The following METTL25 variants were observed in gnomAD, a reference collection of about 807,000 sequenced individuals.
METTL25 encodes probable methyltransferase-like protein 25.
A neutral mutation model predicts 71.6 loss-of-function variants in METTL25; 64 were observed. That is an observed-to-expected ratio of 0.89 (90% CI 0.73 to 1.10). The LOEUF is 1.10. Among genes scored for constraint, METTL25 ranks in the 50% least tolerant of loss-of-function variants. The probability of loss-of-function intolerance (pLI) is 0.00; values close to 1 mark genes in which losing one functional copy is unlikely to be tolerated. For synonymous variants in METTL25, 287 were observed against 250.3 expected (o/e 1.15, Z -1.38); for missense variants, 807 against 707.0 (o/e 1.14, Z -1.60).
rs564729047 is a variant in METTL25, at chr12:82,395,778, A to G, written c.532-3017A>G. On this transcript the variant is annotated intron_variant, in intron 3 of 11. Transcript: ENST00000248306. ...TGTCTTCAAACCTATAATGTATGGCATATGATCCAGCAGGGACGTCTATTG... is the reference window on the plus strand; with the variant it reads ...TGTCTTCAAACCTATAATGTATGGCGTATGATCCAGCAGGGACGTCTATTG... 3.9e-5 allele frequency among the ~76,000 whole-genome samples: 6 copies of G among 152,208 alleles called. No individual in the cohort carries two copies. In the East Asian group the frequency reaches 9.7e-4, roughly 25 times the overall value.
chr12:82,466,073 T>G (rs1282250720), intron 9 of METTL25, among the ~76,000 whole-genome samples: 1 of 151,682 alleles, frequency 6.6e-6, no homozygotes, highest in East Asian at 1.9e-4. Context: ...TGTTCTCTTT[T>G]TAATTCTCAG....
intron 9 of METTL25, among the ~76,000 whole-genome samples, chr12:82,474,816 A>G (rs965705919): frequency 7.4e-4 from 113 of 152,316 alleles, no homozygotes; most frequent in African/African-American, 2.6e-3. Context: ...AAAGCAACAA[A>G]CAGAATGAGA....
intron 1 of METTL25, among the ~76,000 whole-genome samples, chr12:82,385,875 A>T (rs1884939844): frequency 6.6e-6 from 1 of 152,190 alleles, no homozygotes. Flanking sequence ...AGCTGAGACA[A>T]AAAAGAGTAC....
chr12:82,408,602 G>GTGTGTT (rs1887292471), intron 5 of METTL25, among the ~76,000 whole-genome samples: 1 of 149,898 alleles, frequency 6.7e-6, no homozygotes, highest in Admixed American at 6.6e-5. Context: ...GACTCCGTGT[G>GTGTGTT]TGTGTGTGTG....
intron 1 of METTL25, among the ~76,000 whole-genome samples, chr12:82,382,882 A>T (rs1468448450): frequency 2.0e-5 from 3 of 151,974 alleles, no homozygotes; most frequent in South Asian, 2.1e-4. Flanking sequence ...CTAATTTTTT[A>T]AAATTTTAGT....
intron 9 of METTL25, among the ~76,000 whole-genome samples, chr12:82,466,998 A>G (rs1892276601): frequency 6.6e-6 from 1 of 152,108 alleles, no homozygotes; most frequent in South Asian, 2.1e-4. Flanking sequence ...TTGGCTCCCA[A>G]AGTGCTGAGA....
chr12:82,468,576 G>A (rs952742072), intron 9 of METTL25: 2 of 152,246 alleles, frequency 1.3e-5, no homozygotes, highest in Non-Finnish European at 2.9e-5. Context: ...CATCTATGAT[G>A]GAGAGGTGTC....
At chr12:82,476,082 A>G (rs772324570) in intron 9 of METTL25, among the ~76,000 whole-genome samples, 3 of 152,128 alleles carry the variant, frequency 2.0e-5, no homozygotes, top group Non-Finnish European at 2.9e-5. Context: ...CAGGAGCAAA[A>G]GCACAATTGA....
In METTL25 at chr12:82,398,629, A is replaced by G. The variant is rs185956616; in HGVS notation, c.532-166A>G. ...TATTAAACTAGCTAGAACCTCCAGT[A>G]AAATGTTGAATAAAAATGATGAGTG... On this transcript the variant is annotated intron_variant, in intron 3 of 11. Coordinates refer to ENST00000248306, the MANE Select transcript of METTL25 (RefSeq NM_032230.3). Among the ~76,000 whole-genome samples the G allele has an allele frequency of 3.5e-4, 54 of 152,258 alleles. 1 individual carries two copies. The highest frequency in any genetic ancestry group is 1.1e-3 in the Admixed American group (17 of 15,280).
chr12:82,421,719 C>A (rs1418408310), intron 5 of METTL25, among the ~76,000 whole-genome samples: 1 of 152,138 alleles, frequency 6.6e-6, no homozygotes, highest in Non-Finnish European at 1.5e-5. Context: ...GAGATTATCA[C>A]CACCGATCCC....
At chr12:82,477,255 C>T (rs756759215) in intron 10 of METTL25, 26 bp from the exon 11 acceptor site, 1 of 1,113,652 alleles carries the variant, frequency 9.0e-7, no homozygotes, top group Non-Finnish European at 1.3e-6. Context: ...TACCACCAAC[C>T]TACCTATCTA....
Position 82,389,533 on chromosome 12 carries a change from T to C in METTL25, c.425-283T>C, listed in dbSNP as rs551156126. Among the ~76,000 whole-genome samples, 4 of 152,254 alleles carry C rather than the reference T, an allele frequency of 2.6e-5. No homozygotes were observed. The East Asian group carries it at 7.7e-4, about 29-fold the overall frequency. ...TGGGGTTTGCCTTTTTACCTCATAA[T>C]GTTGTCTTTTGATGAAAAATTTCTT... On this transcript the variant is annotated intron_variant, in intron 2 of 11. Transcript: ENST00000248306.
chr12:82,443,462 C>CAAAAAAAAAAAAAAAAAAAAAAAAAAAAA (rs67737833), intron 8 of METTL25, among the ~76,000 whole-genome samples: 1 of 96,614 alleles, frequency 1.0e-5, no homozygotes, highest in Non-Finnish European at 2.2e-5. Context: ...CAGAGGAGAC[C>CAAAAAAAAAAAAAAAAAAAAAAAAAAAAA]AAAAAAAAAA....
chr12:82,361,102 G>T (rs1592567689), intron 1 of METTL25, among the ~76,000 whole-genome samples: 1 of 152,112 alleles, frequency 6.6e-6, no homozygotes, highest in East Asian at 1.9e-4. Context: ...CCCACATCCT[G>T]CCGATTGGTC....
At chr12:82,440,291 A>G (rs935429108) in intron 8 of METTL25, among the ~76,000 whole-genome samples, 7 of 151,902 alleles carry the variant, frequency 4.6e-5, no homozygotes, top group South Asian at 2.1e-4. Context: ...ACTAGCTCCC[A>G]TCTCTTTTTC....
chr12:82,401,926 T>C (rs1464601961), intron 4 of METTL25, among the ~76,000 whole-genome samples: 1 of 152,086 alleles, frequency 6.6e-6, no homozygotes, highest in East Asian at 1.9e-4. Context: ...TCTAATAGGG[T>C]ACAGGTTTTC....
intron 8 of METTL25, among the ~76,000 whole-genome samples, chr12:82,444,883 A>G (rs903876504): frequency 1.3e-5 from 2 of 152,164 alleles, no homozygotes. Context: ...GATGGAAGAA[A>G]GATACTCCAT....
intron 1 of METTL25, among the ~76,000 whole-genome samples, chr12:82,374,655 T>G (rs1037144388): frequency 6.6e-6 from 1 of 152,210 alleles, no homozygotes; most frequent in South Asian, 2.1e-4. Flanking sequence ...GTTTGTTGAA[T>G]TTAATATGGT....
chr12:82,379,227 A>T (rs777064728), intron 1 of METTL25, among the ~76,000 whole-genome samples: 10 of 152,212 alleles, frequency 6.6e-5, no homozygotes, highest in Non-Finnish European at 1.5e-4. Flanking sequence ...TGGTGTTCAG[A>T]AATGACAACC....
Sources: allele counts gnomAD v4.1 joint callset (sites outside exome capture counted in the v4.1 genomes callset), GRCh38; gene constraint gnomAD v4.1.1; transcripts MANE v1.5; gene names NCBI Gene and HGNC (gene_info 2026-07-23, HGNC 2026-07-21).